The following SEMA5A variants were observed in gnomAD, a reference collection of about 807,000 sequenced individuals.
SEMA5A encodes semaphorin-5A.
A neutral mutation model predicts 135.5 loss-of-function variants in SEMA5A; 55 were observed. The ratio of observed to expected loss-of-function variants is 0.41; its 90% CI spans 0.33 to 0.51. The LOEUF is 0.51. Among genes scored for constraint, SEMA5A ranks in the 20% least tolerant of loss-of-function variants. The pLI, the probability that SEMA5A is intolerant of heterozygous loss-of-function variation, is 0.37. For synonymous variants in SEMA5A, 580 were observed against 546.5 expected (o/e 1.06, Z -0.85); for missense variants, 1,290 against 1,419.9 (o/e 0.91, Z 1.47).
At chr5:9,382,890 C>T (rs955151248) in intron 2 of SEMA5A, among the ~76,000 whole-genome samples, 2 of 152,226 alleles carry the variant, frequency 1.3e-5, no homozygotes, top group Non-Finnish European at 2.9e-5. Context: ...AATTCTACAA[C>T]ATTCCCATTG....
intron 8 of SEMA5A, among the ~76,000 whole-genome samples, chr5:9,218,521 C>T (rs1746760163): frequency 6.6e-6 from 1 of 152,214 alleles, no homozygotes; most frequent in Non-Finnish European, 1.5e-5. Context: ...GTCTCATACA[C>T]AATTTAATCA....
At chr5:9,287,172 A>T (rs947855262) in intron 5 of SEMA5A, among the ~76,000 whole-genome samples, 2 of 152,320 alleles carry the variant, frequency 1.3e-5, no homozygotes, top group Admixed American at 1.3e-4. Context: ...ACATGCACAC[A>T]TGTGTACGAT....
At chr5:9,112,024 A>G (rs2150163253) in intron 15 of SEMA5A, among the ~76,000 whole-genome samples, 1 of 152,290 alleles carries the variant, frequency 6.6e-6, no homozygotes, top group South Asian at 2.1e-4. Flanking sequence ...TCCCCAACAC[A>G]CTGCAGACTT....
intron 5 of SEMA5A, among the ~76,000 whole-genome samples, chr5:9,270,587 A>C (rs542938048): frequency 6.6e-6 from 1 of 152,202 alleles, no homozygotes; most frequent in Non-Finnish European, 1.5e-5. Flanking sequence ...GGTTGGAAAC[A>C]CAGCATTCAC....
chr5:9,066,196 GGC>G (rs1737455054), intron 17 of SEMA5A, among the ~76,000 whole-genome samples: 2 of 152,062 alleles, frequency 1.3e-5, no homozygotes, highest in African/African-American at 2.4e-5. Flanking sequence ...GTTATCTGGG[GGC>G]CTGATTTCAT....
intron 4 of SEMA5A, among the ~76,000 whole-genome samples, chr5:9,330,389 CAAA>C (rs10564647): frequency 2.8e-4 from 30 of 106,954 alleles, no homozygotes; most frequent in African/African-American, 5.2e-4. Flanking sequence ...GACTCTGTCT[CAAA>C]AAAAAAAAAA....
Position 9,122,665 on chromosome 5 carries a change from T to G in SEMA5A, c.1772A>C (p.Asn591Thr), listed in dbSNP as rs373306299. The change falls in exon 14 of 23, where the codon AAC becomes ACC. Residue 591 changes from asparagine (N) to threonine (T), a missense_variant. Asn to Thr is a moderately conservative substitution (Grantham distance 65, BLOSUM62 0). This residue lies in a region of SEMA5A where 1,029 missense variants were observed against 1,086.6 expected (regional missense o/e 0.95). Coordinates refer to ENST00000382496, the MANE Select transcript of SEMA5A (RefSeq NM_003966.3). ...GTTCTGAGCGGCACACCTGGAACAG[T>G]TGGCGATCTCCATGCCAGGGCCCTC... Reference protein sequence around the residue: ...QCEGPGMEIANCSRNGGWTPW... With the variant: ...QCEGPGMEIATCSRNGGWTPW... 4 of 1,599,842 alleles carry G rather than the reference T, an allele frequency of 2.5e-6. No individual in the cohort carries two copies.
intron 11 of SEMA5A, among the ~76,000 whole-genome samples, chr5:9,178,927 T>A (rs1337793095): frequency 6.6e-6 from 1 of 152,214 alleles, no homozygotes; most frequent in African/African-American, 2.4e-5. Context: ...CTACATTATA[T>A]ACTCCAGTAA....
rs772906880 is a variant in SEMA5A, at chr5:9,118,955, T to C, written c.1925+43A>G. 6 of 1,600,432 alleles carry C rather than the reference T, an allele frequency of 3.7e-6. No individual in the cohort carries two copies. The East Asian group carries it at 1.1e-4, about 30-fold the overall frequency. On this transcript the variant is annotated intron_variant, in intron 15 of 22. Coordinates refer to ENST00000382496, the MANE Select transcript of SEMA5A (RefSeq NM_003966.3). ...GAACTCGACCTGGCCGGAATGAGAG[T>C]AAGCGTGAGGCTGGCGGTGCTGGCA...
intron 4 of SEMA5A, among the ~76,000 whole-genome samples, chr5:9,324,567 G>A (rs1752785079): frequency 1.3e-5 from 2 of 152,212 alleles, no homozygotes; most frequent in East Asian, 1.9e-4. Flanking sequence ...GGCAACATGA[G>A]GGACTTGAAA....
At chr5:9,423,503 T>C (rs1278275139) in intron 2 of SEMA5A, among the ~76,000 whole-genome samples, 2 of 152,246 alleles carry the variant, frequency 1.3e-5, no homozygotes, top group Non-Finnish European at 2.9e-5. Flanking sequence ...TATTCTACTT[T>C]ACAGCAGAAT....
chr5:9,242,898 AAT>A (rs1235435403), intron 5 of SEMA5A, among the ~76,000 whole-genome samples: 2 of 152,200 alleles, frequency 1.3e-5, no homozygotes, highest in African/African-American at 4.8e-5. Context: ...AATTAGAAGA[AAT>A]ATCTTAACTT....
intron 1 of SEMA5A, among the ~76,000 whole-genome samples, chr5:9,505,292 A>C (rs1387191659): frequency 6.6e-6 from 1 of 152,208 alleles, no homozygotes; most frequent in Non-Finnish European, 1.5e-5. Context: ...TTTCGCTTTC[A>C]GTAGAGAGCT....
At chr5:9,143,390 C>G (rs4146148) in intron 12 of SEMA5A, among the ~76,000 whole-genome samples, 1 of 142,760 alleles carries the variant, frequency 7.0e-6, no homozygotes, top group East Asian at 2.0e-4. Flanking sequence ...TGTATTAAAA[C>G]TACTCGGCTT....
chr5:9,432,419 G>A (rs1318326383), intron 2 of SEMA5A, among the ~76,000 whole-genome samples: 7 of 152,102 alleles, frequency 4.6e-5, no homozygotes, highest in South Asian at 2.1e-4. Context: ...ACGTGGCACC[G>A]AAAGAAACAC....
intron 5 of SEMA5A, among the ~76,000 whole-genome samples, chr5:9,298,162 T>C (rs1252216329): frequency 6.6e-6 from 1 of 150,834 alleles, no homozygotes; most frequent in African/African-American, 2.4e-5. Flanking sequence ...ATGAGATCAT[T>C]AGGGTGGGCC....
In SEMA5A at chr5:9,204,126, A is replaced by G. The variant is rs1479651; in HGVS notation, c.647-1886T>C. ...CATGTCTAATTCTAAATAAGAGTCT[A>G]AATTATTTTGGAATGGGTCCTGCAC... On this transcript the variant is annotated intron_variant, in intron 8 of 22. Coordinates refer to ENST00000382496, the MANE Select transcript of SEMA5A (RefSeq NM_003966.3). The surrounding 1 kb of genome is among the most constrained non-coding windows in gnomAD (Gnocchi z 6.4). Among the ~76,000 whole-genome samples, 30,580 of 152,154 alleles carry G rather than the reference A, an allele frequency of 0.2. 3,236 individuals carry two copies. Among genetic ancestry groups the G allele is most frequent in the Middle Eastern group, 0.35 (102 of 294 alleles).
intron 11 of SEMA5A, among the ~76,000 whole-genome samples, chr5:9,187,231 CTG>C (rs1272544845): frequency 6.6e-6 from 1 of 151,982 alleles, no homozygotes; most frequent in Non-Finnish European, 1.5e-5. Flanking sequence ...TCCCTTAAAA[CTG>C]AATATCATTC....
chr5:9,095,094 C>A (rs1244938357), intron 16 of SEMA5A, among the ~76,000 whole-genome samples: 1 of 152,136 alleles, frequency 6.6e-6, no homozygotes, highest in Admixed American at 6.6e-5. Context: ...TTGAAGGCTT[C>A]TAAATATAAC....
Sources: gnomAD v4.1 joint callset for allele counts (sites outside exome capture counted in the v4.1 genomes callset) on GRCh38, gnomAD v4.1.1 for gene constraint, gnomAD v4.1.1 regional missense constraint, Gnocchi (gnomAD v3.1) non-coding constraint, MANE v1.5 for transcripts, NCBI Gene and HGNC (gene_info 2026-07-23, HGNC 2026-07-21) for gene names.